CYP3A43: variants seen among roughly 807,000 people sequenced by gnomAD.
The protein encoded by CYP3A43 is cytochrome P450 3A43.
A neutral mutation model predicts 58.0 loss-of-function variants in CYP3A43; 45 were observed. The ratio of observed to expected loss-of-function variants is 0.78; its 90% CI spans 0.61 to 0.99. The LOEUF (loss-of-function observed/expected upper bound fraction) is 0.99, where lower values mean the gene tolerates loss of function less well. Among genes scored for constraint, CYP3A43 ranks in the 50% least tolerant of loss-of-function variants. The pLI, the probability that CYP3A43 is intolerant of heterozygous loss-of-function variation, is 0.00. For synonymous variants in CYP3A43, 191 were observed against 201.4 expected (o/e 0.95, Z 0.44); for missense variants, 593 against 591.9 (o/e 1.00, Z -0.02).
intron 12 of CYP3A43, 57 bp from the exon 13 acceptor site, chr7:99,865,849 T>C: frequency 1.5e-6 from 2 of 1,304,890 alleles, no homozygotes; most frequent in Admixed American, 2.2e-5. Flanking sequence ...TTATTTTGCT[T>C]CTATCTTTTC....
chr7:99,850,380 G>A lies in CYP3A43; in HGVS notation c.670+686G>A, dbSNP rs1222698705. On this transcript the variant is annotated intron_variant, in intron 7 of 12. Coordinates refer to ENST00000354829, the MANE Select transcript of CYP3A43 (RefSeq NM_057095.3). ...AGGTTCAAGTGATTTTCCTGCCTCA[G>A]CCTCCCAAGTAGCTGAGACTACAGG... Among the ~76,000 whole-genome samples the A allele has an allele frequency of 3.3e-5, 5 of 151,852 alleles. No homozygotes were observed. The East Asian group carries it at 9.6e-4, about 29-fold the overall frequency.
chr7:99,862,358 T>C (rs770176987), intron 11 of CYP3A43, among the ~76,000 whole-genome samples: 3 of 152,208 alleles, frequency 2.0e-5, no homozygotes, highest in Non-Finnish European at 4.4e-5. Flanking sequence ...AATGTAACTG[T>C]GAAAGTGCAG....
chr7:99,831,764 GA>G (rs4646469), intron 1 of CYP3A43, among the ~76,000 whole-genome samples: 66 of 145,116 alleles, frequency 4.5e-4, no homozygotes, highest in Admixed American at 8.9e-4. Flanking sequence ...ATCATTTTGA[GA>G]AAAAAAAAAA....
At chr7:99,841,755 C>T (rs1259014948) in intron 3 of CYP3A43, among the ~76,000 whole-genome samples, 1 of 152,094 alleles carries the variant, frequency 6.6e-6, no homozygotes, top group African/African-American at 2.4e-5. Flanking sequence ...GGTGCAGTGG[C>T]ACCATCTTGG....
At chr7:99,829,384 G>T (rs575470617) in intron 1 of CYP3A43, among the ~76,000 whole-genome samples, 1 of 152,256 alleles carries the variant, frequency 6.6e-6, no homozygotes, top group East Asian at 1.9e-4. Flanking sequence ...AGGTGGTCAG[G>T]GTGCAGCTTG....
chr7:99,857,592 C>T (rs866706970), intron 9 of CYP3A43, among the ~76,000 whole-genome samples: 34 of 152,322 alleles, frequency 2.2e-4, no homozygotes, highest in Middle Eastern at 3.4e-3. Flanking sequence ...TCTGTAATCT[C>T]AGCACTTTGG....
Position 99,861,553 on chromosome 7 carries a change from G to A in CYP3A43, c.1027-60G>A. The A allele has an allele frequency of 4.8e-6, 7 of 1,459,032 alleles. No homozygotes were observed. In the African/African-American group the frequency reaches 8.3e-5, roughly 17 times the overall value. 90.4% of individuals were successfully genotyped at this position (1,459,032 alleles called of 1,614,324 possible). A position where few individuals can be genotyped will look rare whatever the true frequency, so the allele number is the denominator to read the frequency against. On this transcript the variant is annotated intron_variant, in intron 10 of 12. Coordinates refer to ENST00000354829, the MANE Select transcript of CYP3A43 (RefSeq NM_057095.3). ...CCTAACACTTCAATAGTACTGCATGGACTAAGTTGAAAGTTAATTCCCAAT... is the reference window on the plus strand; with the variant it reads ...CCTAACACTTCAATAGTACTGCATGAACTAAGTTGAAAGTTAATTCCCAAT...
chr7:99,862,312 T>C (rs1295785205), intron 11 of CYP3A43, among the ~76,000 whole-genome samples: 1 of 152,230 alleles, frequency 6.6e-6, no homozygotes, highest in African/African-American at 2.4e-5. Flanking sequence ...TGTTTCCACA[T>C]TCCTTTTTCT....
chr7:99,839,075 T>G, intron 2 of CYP3A43, 45 bp from the exon 3 acceptor site: 2 of 1,611,990 alleles, frequency 1.2e-6, no homozygotes, highest in Non-Finnish European at 1.7e-6. Flanking sequence ...TAGCGTTCAG[T>G]ACATTCGAAA....
At chr7:99,857,501 T>A (rs1485780796) in intron 9 of CYP3A43, among the ~76,000 whole-genome samples, 1 of 152,172 alleles carries the variant, frequency 6.6e-6, no homozygotes, top group Admixed American at 6.6e-5. Context: ...CATCAAAGTT[T>A]GACAACCATA....
intron 12 of CYP3A43, among the ~76,000 whole-genome samples, chr7:99,865,684 C>G (rs558730084): frequency 6.7e-6 from 1 of 148,668 alleles, no homozygotes; most frequent in Non-Finnish European, 1.5e-5. Context: ...AGAATAGATA[C>G]TCAATAAATA....
At chr7:99,837,350 A>G (rs1047733729) in intron 2 of CYP3A43, among the ~76,000 whole-genome samples, 6 of 151,802 alleles carry the variant, frequency 4.0e-5, no homozygotes, top group African/African-American at 7.3e-5. Flanking sequence ...AGAAAAAAAG[A>G]AAAAGAAAAT....
intron 9 of CYP3A43, 67 bp downstream of exon 9, chr7:99,856,966 TGTGCAGAAA>T: frequency 6.5e-7 from 1 of 1,532,012 alleles, no homozygotes; most frequent in Admixed American, 2.1e-5. Flanking sequence ...GTTCTGAAAA[TGTGCAGAAA>T]GTTTTCCAGG....
At chr7:99,865,213 G>T (rs1378800265) in intron 12 of CYP3A43, among the ~76,000 whole-genome samples, 1 of 148,218 alleles carries the variant, frequency 6.7e-6, no homozygotes, top group Non-Finnish European at 1.5e-5. Flanking sequence ...ATGACAATTT[G>T]CCTGCCCTTC....
At position 99,865,903 on chromosome 7, in the gene CYP3A43, C is replaced by A; in HGVS notation, c.1417-3C>A. ...TCTGAATATTCTTGTTTAACTTTTG[C>A]AGATCCCACTGAAATTAGACAATCT... On this transcript the variant is annotated splice_region_variant and splice_polypyrimidine_tract_variant and intron_variant, in intron 12 of 12. Transcript: ENST00000354829. 6.5e-7 allele frequency: 1 copy of A among 1,548,430 alleles called. No homozygotes were observed. The highest frequency in any genetic ancestry group is 8.6e-7 in the Non-Finnish European group (1 of 1,162,214).
intron 2 of CYP3A43, chr7:99,838,696 C>G: frequency 7.8e-7 from 1 of 1,288,282 alleles, no homozygotes. Context: ...AATAAGATTC[C>G]CAGCTGGGCG....
At chr7:99,840,874 C>G (rs1426563298) in intron 3 of CYP3A43, among the ~76,000 whole-genome samples, 1 of 152,126 alleles carries the variant, frequency 6.6e-6, no homozygotes, top group East Asian at 1.9e-4. Flanking sequence ...CAGAAATTTT[C>G]CCATCAGTGT....
At position 99,861,694 on chromosome 7, in the gene CYP3A43, G is replaced by A. The variant is rs1818241486; in HGVS notation, c.1108G>A (p.Val370Ile). The change falls in exon 11 of 13, where the codon GTT becomes ATT. Residue 370 changes from valine (V) to isoleucine (I), a missense_variant. Transcript: ENST00000354829. ...VNETLRLFPV[V>I]SRVTRVCKKD... ...TGAAACGCTCAGATTATTCCCAGTTGTTAGTAGAGTTACGAGAGTCTGCAA... is the reference window on the plus strand; with the variant it reads ...TGAAACGCTCAGATTATTCCCAGTTATTAGTAGAGTTACGAGAGTCTGCAA... The A allele has an allele frequency of 2.5e-6, 4 of 1,614,160 alleles. No homozygotes were observed. The highest frequency in any genetic ancestry group is 3.4e-6 in the Non-Finnish European group (4 of 1,180,012).
At chr7:99,863,844 T>C (rs1818343464) in intron 12 of CYP3A43, 145 bp downstream of exon 12, 1 of 650,922 alleles carries the variant, frequency 1.5e-6, no homozygotes, top group East Asian at 2.9e-5. Flanking sequence ...TGCTTAAAGA[T>C]GAATCACTTC....
Sources: gnomAD v4.1 joint callset for allele counts (sites outside exome capture counted in the v4.1 genomes callset) on GRCh38, gnomAD v4.1.1 for gene constraint, MANE v1.5 for transcripts, NCBI Gene and HGNC (gene_info 2026-07-23, HGNC 2026-07-21) for gene names.